The following HPRT1 variants were observed in gnomAD, a reference collection of about 807,000 sequenced individuals.
HPRT1 encodes the protein hypoxanthine-guanine phosphoribosyltransferase.
HPRT1 carries 4 observed loss-of-function variants against 19.0 expected under a neutral mutation model. The observed-to-expected ratio is 0.21, with a 90% CI of 0.10 to 0.48. The LOEUF (loss-of-function observed/expected upper bound fraction) is 0.48, where lower values mean the gene tolerates loss of function less well. Among genes scored for constraint, HPRT1 ranks in the 20% least tolerant of loss-of-function variants. The probability of loss-of-function intolerance (pLI) is 0.98; values close to 1 mark genes in which losing one functional copy is unlikely to be tolerated. For synonymous variants in HPRT1, 53 were observed against 54.9 expected (o/e 0.97, Z 0.15); for missense variants, 65 against 164.0 (o/e 0.40, Z 3.30).
chrX:134,495,450 A>G lies in HPRT1; in HGVS notation c.485+1860A>G, dbSNP rs2077678045. Among the ~76,000 whole-genome samples, 3 of 111,921 alleles carry G rather than the reference A, an allele frequency of 2.7e-5. No homozygotes were observed. The Admixed American group carries it at 2.9e-4, about 11-fold the overall frequency. The stretch of plus-strand genomic sequence containing the variant: ...CAGGGAAACTATATGAGTCAAGGAG[A>G]TAATATATTTGAAAATCTTTTTAAC... On this transcript the variant is annotated intron_variant, in intron 6 of 8. Coordinates refer to ENST00000298556, the MANE Select transcript of HPRT1 (RefSeq NM_000194.3).
In HPRT1 at chrX:134,479,578, T is replaced by TTTG. The variant is rs747004660; in HGVS notation, c.318+4235_318+4237dup. 2.5e-3 allele frequency among the ~76,000 whole-genome samples: 274 copies of TTTG among 111,187 alleles called. 1 individual carries two copies. Among genetic ancestry groups the TTTG allele is most frequent in the Middle Eastern group, 9.2e-3 (2 of 217 alleles). ...AGCCACCGTGCCTGGCCAGTGGTTT[T>TTTG]TTGTTGTTGTTGTTGTTGTTGTTTT... is the stretch of plus-strand genomic sequence containing the variant. On this transcript the variant is annotated intron_variant, in intron 3 of 8. Coordinates refer to ENST00000298556, the MANE Select transcript of HPRT1 (RefSeq NM_000194.3).
intron 4 of HPRT1, among the ~76,000 whole-genome samples, chrX:134,488,861 T>C (rs1310798860): frequency 8.9e-6 from 1 of 112,124 alleles, no homozygotes; most frequent in Non-Finnish European, 1.9e-5. Context: ...GGATTGACCC[T>C]ATTTTTTGTA....
At chrX:134,491,022 ATCACT>A (rs1223836620) in intron 5 of HPRT1, among the ~76,000 whole-genome samples, 1 of 104,883 alleles carries the variant, frequency 9.5e-6, no homozygotes, top group East Asian at 3.0e-4. Flanking sequence ...ATATATATAT[ATCACT>A]TATCACTGTC....
chrX:134,484,906 T>A (rs1161005061), intron 3 of HPRT1, among the ~76,000 whole-genome samples: 1 of 110,924 alleles, frequency 9.0e-6, no homozygotes, highest in African/African-American at 3.3e-5. Flanking sequence ...ACTCCTGGGG[T>A]CAAGCGATCG....
At chrX:134,487,805 C>T (rs2077657407) in intron 4 of HPRT1, among the ~76,000 whole-genome samples, 2 of 111,811 alleles carry the variant, frequency 1.8e-5, no homozygotes, top group South Asian at 3.7e-4. Flanking sequence ...TTTCATATAC[C>T]ACTGTTAGAC....
At chrX:134,481,503 ATCTC>A (rs753882832) in intron 3 of HPRT1, among the ~76,000 whole-genome samples, 132 of 85,330 alleles carry the variant, frequency 1.5e-3, no homozygotes, top group African/African-American at 5.7e-3. Context: ...CTATCTGTCT[ATCTC>A]TATCTATCTA....
At position 134,480,942 on chromosome X, in the gene HPRT1, T is replaced by C. The variant is rs185720352; in HGVS notation, c.319-5523T>C. Among the ~76,000 whole-genome samples the C allele has an allele frequency of 1.3e-4, 14 of 108,460 alleles. No homozygotes were observed. The East Asian group carries it at 2.1e-3, about 16-fold the overall frequency. 94.2% of individuals were successfully genotyped at this position (108,460 alleles called of 115,157 possible). On this transcript the variant is annotated intron_variant, in intron 3 of 8. Coordinates refer to ENST00000298556, the MANE Select transcript of HPRT1 (RefSeq NM_000194.3). ...CAAATTAATACTTTCTTTGAACATA[T>C]TAAAAATGCAGAAAATATTGGAGTA... is the stretch of plus-strand genomic sequence containing the variant.
intron 6 of HPRT1, among the ~76,000 whole-genome samples, chrX:134,497,704 T>C (rs923221495): frequency 8.1e-5 from 9 of 111,283 alleles, no homozygotes; most frequent in African/African-American, 2.9e-4. Context: ...TTCAGCACTT[T>C]GGGAGACCGA....
chrX:134,487,188 T>C (rs2077656178), intron 4 of HPRT1, among the ~76,000 whole-genome samples: 1 of 111,849 alleles, frequency 8.9e-6, no homozygotes, highest in Non-Finnish European at 1.9e-5. Context: ...GTGTGAACCA[T>C]TGGTTTTGGT....
At chrX:134,485,792 G>A (rs1486653197) in intron 3 of HPRT1, among the ~76,000 whole-genome samples, 1 of 111,815 alleles carries the variant, frequency 8.9e-6, no homozygotes, top group East Asian at 2.8e-4. Flanking sequence ...TTTCTGTCCT[G>A]AATCCAGCAC....
At chrX:134,496,569 G>C (rs2077680817) in intron 6 of HPRT1, among the ~76,000 whole-genome samples, 2 of 111,843 alleles carry the variant, frequency 1.8e-5, no homozygotes, top group African/African-American at 3.3e-5. Flanking sequence ...TAGGGAGAAG[G>C]GTTTTTGCTG....
At chrX:134,462,166 C>T (rs17879883) in intron 1 of HPRT1, among the ~76,000 whole-genome samples, 1,576 of 110,571 alleles carry the variant, frequency 0.014, 31 homozygotes, top group African/African-American at 0.049. Context: ...AATATTTGTA[C>T]TTTATTTTAT....
At chrX:134,472,605 C>T (rs191313701) in intron 1 of HPRT1, among the ~76,000 whole-genome samples, 79 of 111,749 alleles carry the variant, frequency 7.1e-4, no homozygotes, top group African/African-American at 2.1e-3. Flanking sequence ...TCGCTCTTGT[C>T]CCCCAGGCTG....
chrX:134,473,509 T>A, intron 2 of HPRT1, 44 bp downstream of exon 2: 2 of 809,842 alleles, frequency 2.5e-6, no homozygotes, highest in Non-Finnish European at 3.8e-6. Context: ...TTTCTTGTGT[T>A]AATTTCAAAC....
chrX:134,470,484 A>G (rs781089597), intron 1 of HPRT1, among the ~76,000 whole-genome samples: 71 of 111,920 alleles, frequency 6.3e-4, no homozygotes, highest in Non-Finnish European at 1.2e-3. Flanking sequence ...GCTTGTATTT[A>G]AGCACCTAAT....
At chrX:134,493,627 T>C (rs777634183) in intron 6 of HPRT1, 37 bp downstream of exon 6, 2 of 895,798 alleles carry the variant, frequency 2.2e-6, no homozygotes, top group African/African-American at 1.9e-5. Context: ...ATTTTCCTCA[T>C]TTGAAGGGGG....
intron 1 of HPRT1, among the ~76,000 whole-genome samples, chrX:134,461,526 C>CATG (rs1175642251): frequency 1.8e-5 from 2 of 112,304 alleles, no homozygotes; most frequent in Admixed American, 1.9e-4. Flanking sequence ...CAACTTACTT[C>CATG]ACCTCTCTGG....
At chrX:134,483,005 AT>A (rs1276957089) in intron 3 of HPRT1, among the ~76,000 whole-genome samples, 1 of 109,569 alleles carries the variant, frequency 9.1e-6, no homozygotes, top group Non-Finnish European at 1.9e-5. Context: ...TGTTGAGAGA[AT>A]GACTGTTTTC....
intron 3 of HPRT1, among the ~76,000 whole-genome samples, chrX:134,485,293 C>A (rs1351238523): frequency 5.4e-5 from 6 of 111,527 alleles, no homozygotes; most frequent in African/African-American, 2.0e-4. Context: ...TGTTCATTCT[C>A]CATTTTCCTA....
Sources: gnomAD v4.1 joint callset for allele counts (sites outside exome capture counted in the v4.1 genomes callset) on GRCh38, gnomAD v4.1.1 for gene constraint, MANE v1.5 for transcripts, NCBI Gene and HGNC (gene_info 2026-07-23, HGNC 2026-07-21) for gene names.